NLRC5: variants seen among roughly 807,000 people sequenced by gnomAD.
The protein encoded by NLRC5 is protein NLRC5.
In NLRC5, 114 loss-of-function variants were observed where a neutral mutation model predicts 206.9. That is an observed-to-expected ratio of 0.55 (90% CI 0.47 to 0.64). NLRC5 has a LOEUF of 0.64. Ranked by LOEUF, NLRC5 falls within the 30% of genes least tolerant of loss-of-function variation. NLRC5 has a pLI of 0.00. For synonymous variants in NLRC5, 952 were observed against 962.8 expected (o/e 0.99, Z 0.21); for missense variants, 2,008 against 2,305.5 (o/e 0.87, Z 2.64).
intron 1 of NLRC5, among the ~76,000 whole-genome samples, chr16:57,005,999 T>C (rs1409497176): frequency 1.3e-5 from 2 of 151,762 alleles, no homozygotes; most frequent in Admixed American, 6.6e-5. Flanking sequence ...AATGTATTTG[T>C]ATACACATTT....
intron 27 of NLRC5, among the ~76,000 whole-genome samples, chr16:57,057,671 G>A (rs1448591752): frequency 3.9e-5 from 6 of 152,214 alleles, no homozygotes; most frequent in African/African-American, 1.4e-4. Flanking sequence ...GCCTGCTGGA[G>A]GCACCTGAGC....
intron 21 of NLRC5, among the ~76,000 whole-genome samples, chr16:57,045,816 G>A (rs1438496788): frequency 1.3e-5 from 2 of 152,252 alleles, no homozygotes; most frequent in Admixed American, 1.3e-4. Context: ...GTGCTTCTGC[G>A]TTTCGGGGAA....
chr16:57,002,145 T>C (rs779043223), intron 1 of NLRC5, among the ~76,000 whole-genome samples: 3 of 152,358 alleles, frequency 2.0e-5, no homozygotes, highest in African/African-American at 7.2e-5. Flanking sequence ...TCTTTTACTC[T>C]TTTATTCTTT....
intron 3 of NLRC5, 43 bp downstream of exon 3, chr16:57,021,050 C>G (rs1567541004): frequency 6.3e-7 from 1 of 1,589,888 alleles, no homozygotes; most frequent in Admixed American, 1.7e-5. Context: ...GGGCCAGTAC[C>G]TGCGTCATGG....
Position 57,055,086 on chromosome 16 carries a change from G to A in NLRC5, c.3651G>A (p.Val1217=). Residue 1217 remains valine, a synonymous_variant, in exon 26 of 49, where the codon GTG becomes GTA. Coordinates refer to ENST00000688547, the MANE Select transcript of NLRC5 (RefSeq NM_001384950.1). ...HFRSNEEEEG[V]CCGRFTGCSL... is the part of the protein sequence containing the mutation. ...GATCCAACGAGGAGGAGGAAGGCGTGTGCTGTGGGTAAGCCCCCTTGAACC... is the reference window on the plus strand; with the variant it reads ...GATCCAACGAGGAGGAGGAAGGCGTATGCTGTGGGTAAGCCCCCTTGAACC... 1 of 1,614,220 alleles carries A rather than the reference G, an allele frequency of 6.2e-7. No individual in the cohort carries two copies. The highest frequency in any genetic ancestry group is 1.1e-5 in the South Asian group (1 of 91,092).
chr16:57,071,927 A>G (rs711753), intron 38 of NLRC5, among the ~76,000 whole-genome samples: 100,074 of 151,844 alleles, frequency 0.66, 33,058 homozygotes, highest in South Asian at 0.71. Flanking sequence ...ACAAACCGCC[A>G]TGTTTCTGGA....
chr16:57,064,986 T>G (rs1451485984), intron 32 of NLRC5, among the ~76,000 whole-genome samples: 1 of 152,064 alleles, frequency 6.6e-6, no homozygotes, highest in Non-Finnish European at 1.5e-5. Context: ...AAAATAATAT[T>G]TTCTGTTTGG....
chr16:57,057,917 C>CTGGTGATGG (rs1452319273), intron 27 of NLRC5, 148 bp from the exon 28 acceptor site: 1 of 676,448 alleles, frequency 1.5e-6, no homozygotes. Context: ...GGTGGTGATA[C>CTGGTGATGG]TGGTGATGGT....
intron 14 of NLRC5, among the ~76,000 whole-genome samples, chr16:57,036,615 G>A (rs2062612330): frequency 6.6e-6 from 1 of 151,698 alleles, no homozygotes; most frequent in Non-Finnish European, 1.5e-5. Context: ...TAGGCTATTA[G>A]GCTGCTGGGT....
chr16:57,077,226 C>T, intron 40 of NLRC5, 70 bp from the exon 41 acceptor site: 5 of 1,433,266 alleles, frequency 3.5e-6, no homozygotes, highest in Non-Finnish European at 4.9e-6. Flanking sequence ...GCCTCCCCTT[C>T]TTTTTCTGGG....
intron 44 of NLRC5, 37 bp downstream of exon 44, chr16:57,079,170 T>C: frequency 1.9e-6 from 3 of 1,612,694 alleles, no homozygotes; most frequent in Non-Finnish European, 2.5e-6. Context: ...ACGGGGACAG[T>C]CCTGGGCGGG....
In NLRC5 at chr16:56,991,678, C is replaced by CTT. The variant is rs35559322; in HGVS notation, c.-128+2083_-128+2084dup. 6.3e-3 allele frequency among the ~76,000 whole-genome samples: 664 copies of CTT among 105,604 alleles called. 20 individuals are homozygous for CTT. The highest frequency in any genetic ancestry group is 0.052 in the East Asian group (177 of 3,412). The allele number at this position is 105,604 out of a possible 152,430, so 69.3% of individuals were successfully genotyped here. On this transcript the variant is annotated intron_variant, in intron 1 of 48. Coordinates refer to ENST00000688547, the MANE Select transcript of NLRC5 (RefSeq NM_001384950.1). ...GGCGTGAGCCATCTTGCCCGGACTC[C>CTT]TTTTTTTTTTTTTTTTTTTTTTTAA...
chr16:57,030,152 A>C, intron 10 of NLRC5, 68 bp downstream of exon 10: 1 of 1,310,032 alleles, frequency 7.6e-7, no homozygotes. Context: ...GTGGGATGGG[A>C]AATGGAGGAG....
At chr16:57,072,978 T>G (rs1193778738) in intron 38 of NLRC5, among the ~76,000 whole-genome samples, 1 of 152,168 alleles carries the variant, frequency 6.6e-6, no homozygotes, top group African/African-American at 2.4e-5. Context: ...CACAGGGCCC[T>G]CCTGTCGTCT....
chr16:56,993,025 C>A (rs1414767129), intron 1 of NLRC5, among the ~76,000 whole-genome samples: 6 of 151,768 alleles, frequency 4.0e-5, no homozygotes, highest in African/African-American at 1.5e-4. Context: ...CCGAAGACAA[C>A]CAATGTTATC....
At chr16:57,078,320 T>C (rs1485232106) in intron 43 of NLRC5, among the ~76,000 whole-genome samples, 1 of 152,146 alleles carries the variant, frequency 6.6e-6, no homozygotes, top group Non-Finnish European at 1.5e-5. Flanking sequence ...CATTGTGCCC[T>C]GTGAGCGGGT....
intron 1 of NLRC5, among the ~76,000 whole-genome samples, chr16:57,004,287 G>C (rs572074393): frequency 2.0e-5 from 3 of 152,224 alleles, no homozygotes; most frequent in African/African-American, 7.2e-5. Context: ...TTTGTTTTTT[G>C]TTGTTTAAAT....
intron 17 of NLRC5, among the ~76,000 whole-genome samples, chr16:57,041,063 G>A (rs982607450): frequency 1.3e-5 from 2 of 152,046 alleles, no homozygotes; most frequent in Non-Finnish European, 2.9e-5. Flanking sequence ...TGGGCCTGGG[G>A]GCTCCCATCA....
chr16:57,010,642 G>A (rs1376388756), intron 1 of NLRC5, among the ~76,000 whole-genome samples: 1 of 152,162 alleles, frequency 6.6e-6, no homozygotes, highest in Non-Finnish European at 1.5e-5. Context: ...CAAAGTGTTG[G>A]GATTACAGGC....
Sources: allele counts gnomAD v4.1 joint callset (sites outside exome capture counted in the v4.1 genomes callset), GRCh38; gene constraint gnomAD v4.1.1; transcripts MANE v1.5; gene names NCBI Gene and HGNC (gene_info 2026-07-23, HGNC 2026-07-21).